The following CD36 variants were observed in gnomAD, a reference collection of about 807,000 sequenced individuals.
The protein encoded by CD36 is CD36 molecule (CD36 blood group), also known as platelet glycoprotein 4.
In CD36, 119 loss-of-function variants were observed where a neutral mutation model predicts 55.2. The ratio of observed to expected loss-of-function variants is 2.15; its 90% CI spans 1.86 to 2.51. CD36 has a LOEUF of 2.51. Among genes scored for constraint, CD36 ranks in the 30% most tolerant of loss-of-function variants. The probability of loss-of-function intolerance (pLI) is 0.00; values close to 1 mark genes in which losing one functional copy is unlikely to be tolerated. For synonymous variants in CD36, 186 were observed against 193.6 expected (o/e 0.96, Z 0.33); for missense variants, 819 against 555.5 (o/e 1.47, Z -4.77).
At chr7:80,628,275 A>G (rs1009485914) in intron 1 of CD36, among the ~76,000 whole-genome samples, 2 of 152,054 alleles carry the variant, frequency 1.3e-5, no homozygotes, top group Admixed American at 6.6e-5. Flanking sequence ...ATAATGCTAA[A>G]CACTACCAGC....
chr7:80,676,832 C>CTT lies in CD36; in HGVS notation c.*450_*451dup, dbSNP rs2116945042. ...CTTTTTTTTTTTTACTCAGTTGCAA[C>CTT]TTACGCTTGGCATCTTCAGAATGCT... On this transcript the variant is annotated 3_prime_UTR_variant, in exon 15 of 15. Transcript: ENST00000447544. The CTT allele has an allele frequency of 6.6e-6, 1 of 151,594 alleles. No individual in the cohort carries two copies. The highest frequency in any genetic ancestry group is 1.5e-5 in the Non-Finnish European group (1 of 67,904). The allele number at this position is 151,594 out of a possible 1,614,324, so 9.4% of individuals were successfully genotyped here. A position where few individuals can be genotyped will look rare whatever the true frequency, so the allele number is the denominator to read the frequency against.
chr7:80,612,254 T>C (rs12532196), intron 1 of CD36, among the ~76,000 whole-genome samples: 51,154 of 152,122 alleles, frequency 0.34, 8,854 homozygotes, highest in South Asian at 0.46. Context: ...TCCTGTAATA[T>C]AAAATATCAT....
chr7:80,627,527 A>G (rs1359251641), intron 1 of CD36, among the ~76,000 whole-genome samples: 1 of 151,734 alleles, frequency 6.6e-6, no homozygotes, highest in African/African-American at 2.4e-5. Flanking sequence ...GCAGTCCAGA[A>G]CACTAAACAA....
At chr7:80,618,900 C>T (rs535654494) in intron 1 of CD36, among the ~76,000 whole-genome samples, 10 of 152,310 alleles carry the variant, frequency 6.6e-5, no homozygotes, top group Admixed American at 5.2e-4. Flanking sequence ...AAGGTGGCTA[C>T]ACTAAACAAT....
At chr7:80,619,295 C>A (rs991974070) in intron 1 of CD36, among the ~76,000 whole-genome samples, 1 of 152,148 alleles carries the variant, frequency 6.6e-6, no homozygotes, top group Non-Finnish European at 1.5e-5. Context: ...CATCTGAGAG[C>A]TTTGATGGGT....
Position 80,661,133 on chromosome 7 carries a change from A to C in CD36, c.352A>C (p.Asn118His). The change falls in exon 5 of 15, where the codon AAT becomes CAT. Residue 118 changes from asparagine to histidine, a missense_variant. Transcript: ENST00000447544. ...EDNTVSFLQPNGAIFEPSLSV... is the reference protein window; with the variant it reads ...EDNTVSFLQPHGAIFEPSLSV... ...CAACACAGTCTCTTTCCTGCAGCCC[A>C]ATGGTGCCATCTTCGAACCTTCACT... The C allele has an allele frequency of 1.2e-6, 2 of 1,613,966 alleles. No individual in the cohort carries two copies. Among genetic ancestry groups the C allele is most frequent in the Non-Finnish European group, 1.7e-6 (2 of 1,179,844 alleles).
chr7:80,669,937 C>A lies in CD36; in HGVS notation c.749-16C>A. On this transcript the variant is annotated splice_polypyrimidine_tract_variant and intron_variant, in intron 8 of 14. Coordinates refer to ENST00000447544, the MANE Select transcript of CD36 (RefSeq NM_001001548.3). ...ACACATTACATCTAATCATTTGCCA[C>A]TCGATTTTTAAACAGATGCAGCCTC... is the stretch of plus-strand genomic sequence containing the variant. The A allele has an allele frequency of 6.3e-7, 1 of 1,595,996 alleles. No individual in the cohort carries two copies.
intron 1 of CD36, among the ~76,000 whole-genome samples, chr7:80,642,395 A>G (rs1794880481): frequency 6.6e-6 from 1 of 152,156 alleles, no homozygotes; most frequent in African/African-American, 2.4e-5. Flanking sequence ...TTAGACAGCT[A>G]AATTTGGTGG....
In CD36 at chr7:80,662,997, C is replaced by A. The variant is rs1783672954; in HGVS notation, c.437C>A (p.Ser146Tyr). ...TVLNLAVAAA[S>Y]HIYQNQFVQM... ...GTGACTTTGTTTTTGTAGGCTGCAT[C>A]CCATATCTATCAAAATCAATTTGTT... Residue 146 changes from serine (S) to tyrosine (Y), a missense_variant, in exon 6 of 15, where the codon TCC becomes TAC. Coordinates refer to ENST00000447544, the MANE Select transcript of CD36 (RefSeq NM_001001548.3). 6.2e-7 allele frequency: 1 copy of A among 1,611,298 alleles called. No homozygotes were observed. Among genetic ancestry groups the A allele is most frequent in the African/African-American group, 1.3e-5 (1 of 74,932 alleles).
At chr7:80,642,762 G>A (rs890591789) in intron 1 of CD36, among the ~76,000 whole-genome samples, 1 of 152,094 alleles carries the variant, frequency 6.6e-6, no homozygotes, top group Non-Finnish European at 1.5e-5. Flanking sequence ...AAATAGACAA[G>A]TTCAGTTTGT....
chr7:80,661,997 G>C (rs1796570721), intron 5 of CD36, among the ~76,000 whole-genome samples: 1 of 152,110 alleles, frequency 6.6e-6, no homozygotes, highest in South Asian at 2.1e-4. Flanking sequence ...CATTTATGTG[G>C]ATGAAGTACA....
intron 1 of CD36, among the ~76,000 whole-genome samples, chr7:80,626,624 T>C (rs1793756326): frequency 6.6e-6 from 1 of 152,114 alleles, no homozygotes; most frequent in Non-Finnish European, 1.5e-5. Context: ...ATTACAAACT[T>C]CATATATAAT....
chr7:80,659,365 C>G (rs1796344313), intron 4 of CD36, among the ~76,000 whole-genome samples: 1 of 152,130 alleles, frequency 6.6e-6, no homozygotes, highest in Non-Finnish European at 1.5e-5. Context: ...CACGAAATTG[C>G]TTGGGTTGAG....
rs1470892647 is a variant in CD36, at chr7:80,663,037, T to G, written c.477T>G (p.Asn159Lys). The change falls in exon 6 of 15, where the codon AAT becomes AAG. Residue 159 changes from asparagine (N) to lysine (K), a missense_variant. Physicochemically the swap from Asn to Lys is moderately conservative, Grantham distance 94. Coordinates refer to ENST00000447544, the MANE Select transcript of CD36 (RefSeq NM_001001548.3). Reference protein sequence around the residue: ...YQNQFVQMILNSLINKSKSSM... With the variant: ...YQNQFVQMILKSLINKSKSSM... ...ATCAATTTGTTCAAATGATCCTCAA[T>G]TCACTTATTAACAAGTCAAAATCTT... 4.3e-6 allele frequency: 7 copies of G among 1,613,428 alleles called. No homozygotes were observed. The highest frequency in any genetic ancestry group is 5.9e-6 in the Non-Finnish European group (7 of 1,179,624).
At chr7:80,607,498 A>C (rs1162233232) in intron 1 of CD36, among the ~76,000 whole-genome samples, 1 of 152,152 alleles carries the variant, frequency 6.6e-6, no homozygotes, top group Non-Finnish European at 1.5e-5. Context: ...AAGGACATGG[A>C]GGCTTGTAGA....
intron 6 of CD36, 61 bp from the exon 7 acceptor site, chr7:80,664,345 T>C: frequency 1.2e-6 from 1 of 852,388 alleles, no homozygotes; most frequent in Non-Finnish European, 2.1e-6. Context: ...GTGAGTTATG[T>C]ATTGTACAAC....
intron 1 of CD36, among the ~76,000 whole-genome samples, chr7:80,642,118 G>C (rs191484983): frequency 3.9e-5 from 6 of 151,964 alleles, no homozygotes; most frequent in Admixed American, 3.9e-4. Context: ...ATTAAAACAC[G>C]TCTTCTTATT....
rs533314546 is a variant in CD36 at position 80,610,796 on chromosome 7, A to G, written c.-184+8417A>G. The stretch of plus-strand genomic sequence containing the variant: ...CACTGTGTTAGCCAGGCTGGTCTCT[A>G]TCTCCTGACCTCGTGATCTGCCTGC... On this transcript the variant is annotated intron_variant, in intron 1 of 13. Transcript: ENST00000309881. Among the ~76,000 whole-genome samples, 7 of 152,134 alleles carry G rather than the reference A, an allele frequency of 4.6e-5. No homozygotes were observed. In the South Asian group the frequency reaches 1.2e-3, roughly 27 times the overall value.
At chr7:80,632,069 C>T (rs1009017294) in intron 1 of CD36, among the ~76,000 whole-genome samples, 3 of 151,496 alleles carry the variant, frequency 2.0e-5, no homozygotes, top group Non-Finnish European at 2.9e-5. Flanking sequence ...GAAGCTTGTC[C>T]GAGAGCAAAA....
Sources: allele counts gnomAD v4.1 joint callset (sites outside exome capture counted in the v4.1 genomes callset), GRCh38; gene constraint gnomAD v4.1.1; transcripts MANE v1.5; gene names NCBI Gene and HGNC (gene_info 2026-07-23, HGNC 2026-07-21).